Variants in TSHZ2 observed in about 807,000 individuals in gnomAD.
TSHZ2 encodes teashirt zinc finger homeobox 2.
Under a neutral mutation model 74.4 loss-of-function variants are expected in TSHZ2, and 21 were observed. The ratio of observed to expected loss-of-function variants is 0.28; its 90% CI spans 0.20 to 0.41. The LOEUF (loss-of-function observed/expected upper bound fraction) is 0.41. Ranked by LOEUF, TSHZ2 falls within the 10% of genes least tolerant of loss-of-function variation. The pLI is 1.00. For missense variants in TSHZ2, 1,244 were observed against 1,293.5 expected, an observed-to-expected ratio of 0.96 and a Z score of 0.59; for synonymous variants, 540 against 515.3, an observed-to-expected ratio of 1.05 and a Z score of -0.65.
chr20:53,210,438 G>A (rs920822068), intron 1 of TSHZ2, among the ~76,000 whole-genome samples: 1 of 152,114 alleles, frequency 6.6e-6, no homozygotes, highest in Admixed American at 6.5e-5. Context: ...ATGGAGTGGG[G>A]AAATGATCTT....
intron 1 of TSHZ2, among the ~76,000 whole-genome samples, chr20:53,190,088 TATATATATATATA>T (rs1207800868): frequency 1.6e-4 from 2 of 12,836 alleles, no homozygotes; most frequent in Admixed American, 6.6e-4. Flanking sequence ...CTGTCTCAAA[TATATATATATATA>T]TATATATATA....
chr20:53,055,493 T>C (rs1415644241), intron 1 of TSHZ2, among the ~76,000 whole-genome samples: 1 of 152,244 alleles, frequency 6.6e-6, no homozygotes, highest in Non-Finnish European at 1.5e-5. Context: ...TTTATGGACA[T>C]GTTATTGTAA....
intron 2 of TSHZ2, among the ~76,000 whole-genome samples, chr20:53,411,018 A>T (rs1983036968): frequency 6.6e-6 from 1 of 152,112 alleles, no homozygotes; most frequent in South Asian, 2.1e-4. Context: ...CTGTAATTCA[A>T]TGTTCCCTGG....
intron 1 of TSHZ2, among the ~76,000 whole-genome samples, chr20:53,193,931 C>T (rs534647956): frequency 9.8e-5 from 15 of 152,286 alleles, no homozygotes; most frequent in African/African-American, 2.4e-4. Flanking sequence ...AAGTGGACAA[C>T]GGGGAGGTTC....
chr20:53,265,659 T>C (rs969985384), intron 2 of TSHZ2, among the ~76,000 whole-genome samples: 2 of 152,234 alleles, frequency 1.3e-5, no homozygotes, highest in Non-Finnish European at 2.9e-5. Flanking sequence ...TTGGTGACAT[T>C]CTGTGGCTGC....
chr20:53,042,701 G>GAAA (rs5841925), intron 1 of TSHZ2, among the ~76,000 whole-genome samples: 8 of 128,506 alleles, frequency 6.2e-5, no homozygotes, highest in Admixed American at 8.0e-5. Context: ...AAGTAGAGAA[G>GAAA]AAAAAAAAAA....
At chr20:53,279,400 A>G (rs1991011768) in intron 2 of TSHZ2, among the ~76,000 whole-genome samples, 1 of 152,256 alleles carries the variant, frequency 6.6e-6, no homozygotes, top group Non-Finnish European at 1.5e-5. Flanking sequence ...GTCATAAAAC[A>G]TCATTCTTCT....
At chr20:53,247,749 G>A (rs1990240475) in intron 1 of TSHZ2, among the ~76,000 whole-genome samples, 2 of 152,172 alleles carry the variant, frequency 1.3e-5, no homozygotes, top group South Asian at 2.1e-4. Context: ...TGGCGAAAAC[G>A]ATCCTGTCAC....
Position 53,245,241 on chromosome 20 carries a change from T to C in TSHZ2, c.41-8258T>C, listed in dbSNP as rs117068895. On this transcript the variant is annotated intron_variant, in intron 1 of 2. Transcript: ENST00000371497. ...CTGTGCCTTTGAAAGTTTTCAGTAA[T>C]TTTCCCAAGATTGTCTTGTCCTTCC... is the stretch of plus-strand genomic sequence containing the variant. Among the ~76,000 whole-genome samples the C allele has an allele frequency of 1.3e-3, 204 of 152,356 alleles. 1 individual carries two copies. The highest frequency in any genetic ancestry group is 6.6e-3 in the East Asian group (34 of 5,186).
intron 1 of TSHZ2, among the ~76,000 whole-genome samples, chr20:53,037,733 T>C (rs2123084414): frequency 6.6e-6 from 1 of 152,326 alleles, no homozygotes; most frequent in East Asian, 1.9e-4. Context: ...TATTCCCCTC[T>C]GGCTGCTGTG....
intron 1 of TSHZ2, among the ~76,000 whole-genome samples, chr20:53,020,143 A>G (rs1983188058): frequency 6.6e-6 from 1 of 152,174 alleles, no homozygotes; most frequent in Non-Finnish European, 1.5e-5. Flanking sequence ...TAATCCAGTC[A>G]TTCCCCACCA....
chr20:53,205,536 A>G (rs73270700), intron 1 of TSHZ2, among the ~76,000 whole-genome samples: 3,275 of 152,102 alleles, frequency 0.022, 111 homozygotes, highest in African/African-American at 0.076. Context: ...AACTCGTATA[A>G]AAAGATCTAC....
chr20:52,991,054 G>A (rs1414273583), intron 1 of TSHZ2, among the ~76,000 whole-genome samples: 1 of 152,202 alleles, frequency 6.6e-6, no homozygotes, highest in Non-Finnish European at 1.5e-5. Context: ...CATGTGTGAT[G>A]TATGTTGTGG....
At chr20:53,456,796 A>G (rs1367379656) in intron 2 of TSHZ2, among the ~76,000 whole-genome samples, 1 of 67,762 alleles carries the variant, frequency 1.5e-5, no homozygotes, top group Non-Finnish European at 2.6e-5. Flanking sequence ...TTTTCCCAGC[A>G]CCATTTATTA....
chr20:53,218,587 C>T (rs1989487312), intron 1 of TSHZ2, among the ~76,000 whole-genome samples: 1 of 152,120 alleles, frequency 6.6e-6, no homozygotes, highest in Non-Finnish European at 1.5e-5. Context: ...GTTGTTGCCA[C>T]CTCTTTCCAG....
At chr20:53,350,964 C>T (rs1035662452) in intron 2 of TSHZ2, among the ~76,000 whole-genome samples, 15 of 152,214 alleles carry the variant, frequency 9.9e-5, no homozygotes, top group African/African-American at 3.1e-4. Flanking sequence ...TTTTGATAAA[C>T]CAGCATTCAG....
intron 2 of TSHZ2, among the ~76,000 whole-genome samples, chr20:53,411,820 C>A (rs552811112): frequency 3.9e-5 from 6 of 151,968 alleles, no homozygotes; most frequent in East Asian, 1.9e-4. Flanking sequence ...CAGAGCAAGA[C>A]CCTGCCTCAA....
At position 53,404,763 on chromosome 20, in the gene TSHZ2, A is replaced by G. The variant is rs368182316; in HGVS notation, c.*9-82381A>G. Among the ~76,000 whole-genome samples, 209 of 152,366 alleles carry G rather than the reference A, an allele frequency of 1.4e-3. 11 individuals carry two copies. The South Asian group carries it at 0.043, about 31-fold the overall frequency. ...TTAACGAAATATCCTATAATCATCC[A>G]AGTCCAAGACTTCCCCTTACATGCT... On this transcript the variant is annotated intron_variant, in intron 2 of 2. Transcript: ENST00000371497.
intron 2 of TSHZ2, among the ~76,000 whole-genome samples, chr20:53,281,791 T>C (rs1336465080): frequency 6.6e-6 from 1 of 152,186 alleles, no homozygotes. Flanking sequence ...CCTGATCCCA[T>C]GGGGAGCCTC....
Sources: allele counts gnomAD v4.1 joint callset (sites outside exome capture counted in the v4.1 genomes callset), GRCh38; gene constraint gnomAD v4.1.1; transcripts MANE v1.5; gene names NCBI Gene and HGNC (gene_info 2026-07-23, HGNC 2026-07-21).